TRPM6: variants seen among roughly 807,000 people sequenced by gnomAD.
TRPM6 encodes the protein transient receptor potential cation channel subfamily M member 6.
In TRPM6, 111 loss-of-function variants were observed where a neutral mutation model predicts 247.6. That is an observed-to-expected ratio of 0.45 (90% CI 0.38 to 0.52). The LOEUF is 0.52. Among genes scored for constraint, TRPM6 ranks in the 20% least tolerant of loss-of-function variants. TRPM6 has a pLI of 0.00. For synonymous variants in TRPM6, 892 were observed against 853.8 expected (o/e 1.04, Z -0.78); for missense variants, 2,126 against 2,421.5 (o/e 0.88, Z 2.56).
chr9:74,750,555 C>G, intron 30 of TRPM6, 109 bp downstream of exon 30: 1 of 961,344 alleles, frequency 1.0e-6, no homozygotes, highest in South Asian at 1.3e-5. Flanking sequence ...TGTCATTTGA[C>G]ACACACTTCT....
chr9:74,790,529 T>A (rs1360325322), intron 19 of TRPM6, among the ~76,000 whole-genome samples: 1 of 152,240 alleles, frequency 6.6e-6, no homozygotes, highest in African/African-American at 2.4e-5. Flanking sequence ...TGATTCCTTA[T>A]ACTGGACTCA....
chr9:74,802,208 A>G (rs371847811), intron 15 of TRPM6, 33 bp from the exon 16 acceptor site: 5 of 1,597,192 alleles, frequency 3.1e-6, no homozygotes, highest in Non-Finnish European at 4.3e-6. Context: ...TGAGTTTTCA[A>G]ATACTCAGAT....
chr9:74,851,845 A>G (rs1830329091), intron 3 of TRPM6, among the ~76,000 whole-genome samples: 1 of 150,254 alleles, frequency 6.7e-6, no homozygotes, highest in Non-Finnish European at 1.5e-5. Flanking sequence ...ATTTTTAAGT[A>G]TTGCAATATA....
At position 74,755,364 on chromosome 9, in the gene TRPM6, A is replaced by T; in HGVS notation, c.4895T>A (p.Phe1632Tyr). ...YSKNWFTVSK[F>Y]SHTGVEPYIH... is the part of the protein sequence containing the mutation. ...TAGATGTTACATACCTGTGTGACTA[A>T]ATTTGGACACTGTGAACCAGTTCTT... is the stretch of plus-strand genomic sequence containing the variant. The change falls in exon 28 of 39, where the codon TTT becomes TAT. Residue 1632 changes from phenylalanine (F) to tyrosine (Y), a missense_variant. Physicochemically the swap from Phe to Tyr is conservative, Grantham distance 22. This residue lies in a region of TRPM6 where 717 missense variants were observed against 715.9 expected (regional missense o/e 1.00). Transcript: ENST00000360774. The T allele has an allele frequency of 6.2e-7, 1 of 1,614,048 alleles. No individual in the cohort carries two copies. The highest frequency in any genetic ancestry group is 8.5e-7 in the Non-Finnish European group (1 of 1,179,976).
At chr9:74,732,828 T>G in intron 36 of TRPM6, 92 bp from the exon 37 acceptor site, 1 of 1,009,488 alleles carries the variant, frequency 9.9e-7, no homozygotes, top group Non-Finnish European at 1.5e-6. Context: ...ATTTCTTAAT[T>G]TAAAACTCAC....
At chr9:74,803,439 G>T (rs1247040675) in intron 15 of TRPM6, among the ~76,000 whole-genome samples, 1 of 152,246 alleles carries the variant, frequency 6.6e-6, no homozygotes, top group Non-Finnish European at 1.5e-5. Context: ...AGAAAAGAAG[G>T]AAACAGACTT....
chr9:74,875,777 CA>C (rs1831177298), intron 1 of TRPM6, among the ~76,000 whole-genome samples: 2 of 152,074 alleles, frequency 1.3e-5, no homozygotes, highest in African/African-American at 4.8e-5. Flanking sequence ...CAGATAAGGA[CA>C]AAGGCTAAAA....
At chr9:74,815,998 T>C (rs1325540648) in intron 11 of TRPM6, among the ~76,000 whole-genome samples, 1 of 152,198 alleles carries the variant, frequency 6.6e-6, no homozygotes, top group Non-Finnish European at 1.5e-5. Flanking sequence ...CTACTACATT[T>C]TAAAGCAAAA....
intron 6 of TRPM6, among the ~76,000 whole-genome samples, chr9:74,830,347 G>T (rs1829500214): frequency 6.6e-6 from 1 of 151,274 alleles, no homozygotes; most frequent in African/African-American, 2.4e-5. Context: ...ATACCCCATT[G>T]AAAATAATAT....
At chr9:74,817,057 G>T in intron 9 of TRPM6, 93 bp from the exon 10 acceptor site, 2 of 1,118,306 alleles carry the variant, frequency 1.8e-6, no homozygotes, top group Non-Finnish European at 2.7e-6. Flanking sequence ...TGGAGCTAAT[G>T]AATTGAGGAA....
intron 5 of TRPM6, among the ~76,000 whole-genome samples, chr9:74,838,355 C>T (rs1438245112): frequency 6.6e-6 from 1 of 152,210 alleles, no homozygotes; most frequent in East Asian, 1.9e-4. Context: ...TCAGTTTCTT[C>T]CAAGAATGTG....
At chr9:74,746,085 A>C (rs564174418) in intron 31 of TRPM6, among the ~76,000 whole-genome samples, 2 of 152,220 alleles carry the variant, frequency 1.3e-5, no homozygotes, top group Admixed American at 6.5e-5. Flanking sequence ...CACTAAAGAT[A>C]CAAAAAATTA....
intron 36 of TRPM6, among the ~76,000 whole-genome samples, chr9:74,736,752 A>G (rs2118722945): frequency 6.6e-6 from 1 of 152,326 alleles, no homozygotes; most frequent in South Asian, 2.1e-4. Flanking sequence ...TGCAATTCAC[A>G]TAATTGCCCA....
intron 1 of TRPM6, among the ~76,000 whole-genome samples, chr9:74,879,048 C>G (rs1831277926): frequency 2.0e-5 from 3 of 151,644 alleles, no homozygotes; most frequent in Admixed American, 6.6e-5. Flanking sequence ...CAGTGAGATA[C>G]AAGAGAACTT....
intron 27 of TRPM6, among the ~76,000 whole-genome samples, chr9:74,761,178 C>T (rs777289395): frequency 5.3e-5 from 8 of 152,108 alleles, no homozygotes; most frequent in East Asian, 3.8e-4. Context: ...TAAAATGTTA[C>T]GATTACCTTG....
At position 74,731,752 on chromosome 9, in the gene TRPM6, T is replaced by C. The variant is rs17060424; in HGVS notation, c.5828+933A>G. ...ATAAAACTACCACCCAGGGGTCAAG[T>C]ATAGACAATTATGACAATTAAGAAG... On this transcript the variant is annotated intron_variant, in intron 37 of 38. Coordinates refer to ENST00000360774, the MANE Select transcript of TRPM6 (RefSeq NM_017662.5). 9.8e-4 allele frequency among the ~76,000 whole-genome samples: 148 copies of C among 150,582 alleles called. 2 individuals are homozygous for C. The East Asian group carries it at 0.026, about 27-fold the overall frequency.
chr9:74,759,707 T>G (rs1826556134), intron 27 of TRPM6, among the ~76,000 whole-genome samples: 1 of 151,980 alleles, frequency 6.6e-6, no homozygotes, highest in South Asian at 2.1e-4. Flanking sequence ...TAAGTCTTAG[T>G]GATCTTGGCA....
At chr9:74,780,484 C>T (rs2118914917) in intron 23 of TRPM6, among the ~76,000 whole-genome samples, 1 of 151,420 alleles carries the variant, frequency 6.6e-6, no homozygotes, top group South Asian at 2.1e-4. Flanking sequence ...GACAGAAAAG[C>T]CAACTCACAT....
chr9:74,830,112 CAG>C (rs1322148339), intron 6 of TRPM6, among the ~76,000 whole-genome samples: 1 of 151,874 alleles, frequency 6.6e-6, no homozygotes, highest in African/African-American at 2.4e-5. Flanking sequence ...GCCTTGGCAA[CAG>C]AGCAAATTTT....
Sources: allele counts gnomAD v4.1 joint callset (sites outside exome capture counted in the v4.1 genomes callset), GRCh38; gene constraint gnomAD v4.1.1; regional missense constraint gnomAD v4.1.1; transcripts MANE v1.5; gene names NCBI Gene and HGNC (gene_info 2026-07-23, HGNC 2026-07-21).